Variants in EXOSC4 observed in about 807,000 individuals in gnomAD.
The protein encoded by EXOSC4 is exosome component 4, also known as exosome complex component RRP41.
In EXOSC4, 14 loss-of-function variants were observed where a neutral mutation model predicts 20.0. The observed-to-expected ratio is 0.70, with a 90% CI of 0.46 to 1.09. The LOEUF (loss-of-function observed/expected upper bound fraction) is 1.09, where lower values mean the gene tolerates loss of function less well. Among genes scored for constraint, EXOSC4 ranks in the 50% least tolerant of loss-of-function variants. The pLI is 0.00. For synonymous variants in EXOSC4, 148 were observed against 146.4 expected (o/e 1.01, Z -0.08); for missense variants, 337 against 334.0 (o/e 1.01, Z -0.07).
chr8:144,074,149 A>G (rs1457881500), upstream of EXOSC4, among the ~76,000 whole-genome samples: 4 of 152,302 alleles, frequency 2.6e-5, no homozygotes, highest in African/African-American at 7.2e-5. Flanking sequence ...TTGGGCCCCA[A>G]CAAAGTATTT....
the EXOSC4 span, among the ~76,000 whole-genome samples, chr8:144,072,546 AC>A: frequency 6.6e-6 from 1 of 151,338 alleles, no homozygotes; most frequent in Non-Finnish European, 1.5e-5. Flanking sequence ...CTTTACCACC[AC>A]CCCGCAACAT....
upstream of EXOSC4, among the ~76,000 whole-genome samples, chr8:144,075,978 G>A (rs1835832633): frequency 6.6e-6 from 1 of 152,356 alleles, no homozygotes; most frequent in East Asian, 1.9e-4. Flanking sequence ...AGTTTGAAGA[G>A]TGGGTGTCTG....
At chr8:144,079,106 G>A (rs1835869198) in intron 1 of EXOSC4, 1 of 499,556 alleles carries the variant, frequency 2.0e-6, no homozygotes, top group Non-Finnish European at 3.3e-6. Flanking sequence ...CTCTGTCCCT[G>A]CGCCCTCCTT....
chr8:144,080,487 C>T lies in EXOSC4; in HGVS notation c.624C>T (p.Asp208=). The T allele has an allele frequency of 1.2e-6, 2 of 1,607,180 alleles. No homozygotes were observed. The highest frequency in any genetic ancestry group is 1.7e-6 in the Non-Finnish European group (2 of 1,179,998). ...LLEMDARLHE[D]HLERVLEAAA... is the part of the protein sequence containing the mutation. ...AGATGGATGCCCGGCTGCACGAGGA[C>T]CACCTGGAGCGGGTGTTGGAGGCTG... The change falls in exon 3 of 3, where the codon GAC becomes GAT. Residue 208 remains aspartate, a synonymous_variant. Coordinates refer to ENST00000316052, the MANE Select transcript of EXOSC4 (RefSeq NM_019037.3). The surrounding 1 kb of genome is among the most constrained non-coding windows in gnomAD (Gnocchi z 4.9).
the EXOSC4 span, among the ~76,000 whole-genome samples, chr8:144,072,897 T>C: frequency 6.6e-6 from 1 of 152,220 alleles, no homozygotes; most frequent in East Asian, 1.9e-4. Flanking sequence ...CAGGATGGTA[T>C]GACTGTCACA....
chr8:144,077,637 G>C (rs1835848204), upstream of EXOSC4, among the ~76,000 whole-genome samples: 1 of 152,158 alleles, frequency 6.6e-6, no homozygotes, highest in African/African-American at 2.4e-5. Flanking sequence ...CTTAAGCCTG[G>C]GCAGATCTGT....
At chr8:144,072,174 G>A in the EXOSC4 span, among the ~76,000 whole-genome samples, 2 of 151,972 alleles carry the variant, frequency 1.3e-5, no homozygotes, top group Admixed American at 6.6e-5. Context: ...AATGTACAAT[G>A]CCTTGTTTTG....
chr8:144,075,638 T>C (rs1835830104), upstream of EXOSC4, among the ~76,000 whole-genome samples: 1 of 152,206 alleles, frequency 6.6e-6, no homozygotes, highest in African/African-American at 2.4e-5. Context: ...CTCCCAAAAG[T>C]GCTGGGATTA....
At position 144,078,808 on chromosome 8, in the gene EXOSC4, C is replaced by A; in HGVS notation, c.80C>A (p.Ala27Glu). ...GCCGGGGAGCTGCGCAAGATCCAGG[C>A]GCGGATGGGCGTGTTCGCGCAGGCT... ...RRAGELRKIQARMGVFAQADG... is the reference protein window; with the variant it reads ...RRAGELRKIQERMGVFAQADG... The change falls in exon 1 of 3, where the codon GCG becomes GAG. Residue 27 changes from alanine to glutamate, a missense_variant. Coordinates refer to ENST00000316052, the MANE Select transcript of EXOSC4 (RefSeq NM_019037.3). The surrounding 1 kb of genome is among the most constrained non-coding windows in gnomAD (Gnocchi z 4.7). 1 of 1,575,112 alleles carries A rather than the reference C, an allele frequency of 6.3e-7. No individual in the cohort carries two copies. Among genetic ancestry groups the A allele is most frequent in the Non-Finnish European group, 8.6e-7 (1 of 1,163,398 alleles).
the EXOSC4 span, among the ~76,000 whole-genome samples, chr8:144,073,301 G>A: frequency 3.3e-5 from 5 of 152,120 alleles, no homozygotes; most frequent in South Asian, 2.1e-4. Flanking sequence ...CAGGAGACTC[G>A]CCTGAACCCA....
intron 1 of EXOSC4, 117 bp downstream of exon 1, chr8:144,079,016 C>T: frequency 1.7e-6 from 2 of 1,160,698 alleles, no homozygotes; most frequent in South Asian, 2.0e-5. Context: ...TCTACACAGC[C>T]GATGCTCAGC....
intron 1 of EXOSC4, 89 bp from the exon 2 acceptor site, chr8:144,079,854 T>C (rs1554763224): frequency 7.7e-7 from 1 of 1,293,350 alleles, no homozygotes; most frequent in Non-Finnish European, 1.1e-6. Flanking sequence ...GCTGAGGCAT[T>C]GAAAGTGGAG....
chr8:144,066,162 G>A, the EXOSC4 span, among the ~76,000 whole-genome samples: 3 of 151,848 alleles, frequency 2.0e-5, no homozygotes, highest in Middle Eastern at 3.2e-3. Flanking sequence ...GACTACAGGT[G>A]CCCGCCACCA....
At chr8:144,072,827 T>C in the EXOSC4 span, among the ~76,000 whole-genome samples, 1 of 152,262 alleles carries the variant, frequency 6.6e-6, no homozygotes, top group Admixed American at 6.5e-5. Flanking sequence ...ATATCTTGCC[T>C]ACTGTGAACG....
chr8:144,068,461 A>T, the EXOSC4 span, among the ~76,000 whole-genome samples: 1 of 152,192 alleles, frequency 6.6e-6, no homozygotes, highest in African/African-American at 2.4e-5. Flanking sequence ...GGCCCTTGGG[A>T]GGCAAGTCCA....
rs1341817709 is a variant in EXOSC4, at chr8:144,078,811, G to C, written c.83G>C (p.Arg28Pro). 1 of 1,577,714 alleles carries C rather than the reference G, an allele frequency of 6.3e-7. No homozygotes were observed. The highest frequency in any genetic ancestry group is 8.6e-7 in the Non-Finnish European group (1 of 1,164,670). ...RAGELRKIQA[R>P]MGVFAQADGS... ...GGGGAGCTGCGCAAGATCCAGGCGC[G>C]GATGGGCGTGTTCGCGCAGGCTGAC... The change falls in exon 1 of 3, where the codon CGG (arginine) becomes CCG (proline). Residue 28 changes from arginine to proline, a missense_variant. Coordinates refer to ENST00000316052, the MANE Select transcript of EXOSC4 (RefSeq NM_019037.3). This position sits in a 1 kb window ranked among gnomAD's most constrained non-coding sequence, Gnocchi z 4.7.
the EXOSC4 span, among the ~76,000 whole-genome samples, chr8:144,064,911 G>A: frequency 2.6e-5 from 4 of 151,104 alleles, no homozygotes; most frequent in Admixed American, 6.6e-5. Flanking sequence ...GCGCCATCTG[G>A]GCTCACTGCA....
chr8:144,079,191 C>G (rs1554763137), intron 1 of EXOSC4: 1 of 333,534 alleles, frequency 3.0e-6, no homozygotes, highest in Non-Finnish European at 5.5e-6. Flanking sequence ...TCCGACGTCA[C>G]TCCTTCCCAG....
chr8:144,067,965 C>G, the EXOSC4 span, among the ~76,000 whole-genome samples: 1 of 152,218 alleles, frequency 6.6e-6, no homozygotes. Flanking sequence ...AAACAACCTG[C>G]CAGCCTGCAT....
Sources: allele counts gnomAD v4.1 joint callset (sites outside exome capture counted in the v4.1 genomes callset), GRCh38; gene constraint gnomAD v4.1.1; non-coding constraint Gnocchi (gnomAD v3.1); transcripts MANE v1.5; gene names NCBI Gene and HGNC (gene_info 2026-07-23, HGNC 2026-07-21).